Variants in ERBB4 observed in about 807,000 individuals in gnomAD.
ERBB4 encodes erb-b2 receptor tyrosine kinase 4, also known as receptor tyrosine-protein kinase erbB-4.
Under a neutral mutation model 158.0 loss-of-function variants are expected in ERBB4, and 42 were observed. That is an observed-to-expected ratio of 0.27 (90% confidence interval 0.21 to 0.34). The LOEUF (loss-of-function observed/expected upper bound fraction) is 0.34. ERBB4 is among the 10% of genes least tolerant of loss of function. ERBB4 has a pLI of 1.00. For synonymous variants in ERBB4, 583 were observed against 558.7 expected, an observed-to-expected ratio of 1.04 and a Z score of -0.61; for missense variants, 1,333 against 1,624.1, an observed-to-expected ratio of 0.82 and a Z score of 3.08.
chr2:212,399,545 CATATATATATATATATATATATATATAT>C (rs869111881), intron 1 of ERBB4, among the ~76,000 whole-genome samples: 7 of 38,098 alleles, frequency 1.8e-4, no homozygotes, highest in South Asian at 9.8e-4. Flanking sequence ...TTTATATATA[CATATATATATATATATATATATATATAT>C]ATATATATAT....
At chr2:211,706,129 C>A (rs890081986) in intron 9 of ERBB4, among the ~76,000 whole-genome samples, 1 of 151,824 alleles carries the variant, frequency 6.6e-6, no homozygotes, top group African/African-American at 2.4e-5. Context: ...AGGTAGAGAC[C>A]TCATATTAAT....
At chr2:212,141,071 G>A (rs1335195309) in intron 1 of ERBB4, among the ~76,000 whole-genome samples, 3 of 151,214 alleles carry the variant, frequency 2.0e-5, no homozygotes, top group African/African-American at 7.3e-5. Context: ...TATAACTAAC[G>A]TCTATAACTA....
chr2:212,371,276 G>C (rs2090075916), intron 1 of ERBB4, among the ~76,000 whole-genome samples: 3 of 152,072 alleles, frequency 2.0e-5, no homozygotes, highest in African/African-American at 7.2e-5. Context: ...AAACTCCATT[G>C]TTACATTATA....
intron 1 of ERBB4, among the ~76,000 whole-genome samples, chr2:212,535,210 AT>A (rs1373488572): frequency 2.6e-5 from 4 of 152,116 alleles, no homozygotes; most frequent in Non-Finnish European, 5.9e-5. Flanking sequence ...GAAGAAAAAA[AT>A]AACACCTTCT....
In ERBB4 at chr2:211,985,906, C is replaced by G. The variant is rs191442271; in HGVS notation, c.235-38290G>C. 5.3e-5 allele frequency among the ~76,000 whole-genome samples: 8 copies of G among 152,238 alleles called. No homozygotes were observed. The East Asian group carries it at 1.5e-3, about 29-fold the overall frequency. ...AATCTTGTCTGTACTGGTTTGAATA[C>G]TGTTCCCAAAATTTCATGTCCACCC... is the stretch of plus-strand genomic sequence containing the variant. On this transcript the variant is annotated intron_variant, in intron 2 of 27. Coordinates refer to ENST00000342788, the MANE Select transcript of ERBB4 (RefSeq NM_005235.3).
chr2:211,506,612 A>G (rs945026923), intron 20 of ERBB4, among the ~76,000 whole-genome samples: 10 of 152,138 alleles, frequency 6.6e-5, no homozygotes, highest in Admixed American at 2.6e-4. Context: ...ATAACTCAAT[A>G]TTACAAAAGT....
intron 1 of ERBB4, among the ~76,000 whole-genome samples, chr2:212,398,095 C>A (rs1007107176): frequency 9.4e-6 from 1 of 106,050 alleles, no homozygotes; most frequent in African/African-American, 4.8e-5. Context: ...TAACCTGATA[C>A]ATATATATGT....
rs147319251 is a variant in ERBB4, at chr2:211,463,218, C to T, written c.2488-32118G>A. On this transcript the variant is annotated intron_variant, in intron 20 of 27. Transcript: ENST00000342788. ...TGTAATCTCTGTAATCAGTGATTCT[C>T]CTTCAATTACAAAAAGCGGAGCTAT... 3.2e-3 allele frequency among the ~76,000 whole-genome samples: 490 copies of T among 152,220 alleles called. 1 individual carries two copies. The highest frequency in any genetic ancestry group is 4.1e-3 in the Non-Finnish European group (280 of 68,012).
chr2:212,223,822 A>T (rs1414874327), intron 1 of ERBB4, among the ~76,000 whole-genome samples: 1 of 151,802 alleles, frequency 6.6e-6, no homozygotes. Context: ...CTGAACTAGA[A>T]TATTTTTCAT....
intron 1 of ERBB4, among the ~76,000 whole-genome samples, chr2:212,175,154 T>C (rs1422882610): frequency 6.6e-6 from 1 of 152,070 alleles, no homozygotes; most frequent in East Asian, 1.9e-4. Flanking sequence ...AGAATTACTA[T>C]TTTCTTACTT....
intron 16 of ERBB4, among the ~76,000 whole-genome samples, chr2:211,631,276 G>A (rs2070118890): frequency 6.6e-6 from 1 of 152,090 alleles, no homozygotes; most frequent in South Asian, 2.1e-4. Context: ...CACCTCTGGA[G>A]TATAAGGGTA....
chr2:212,517,679 T>C (rs1343723802), intron 1 of ERBB4, among the ~76,000 whole-genome samples: 2 of 152,254 alleles, frequency 1.3e-5, no homozygotes, highest in East Asian at 1.9e-4. Flanking sequence ...TCTGCATGGA[T>C]GCAAGGTGAA....
chr2:211,741,450 T>TACACACACAC (rs1553622676), intron 5 of ERBB4, among the ~76,000 whole-genome samples: 1 of 62,790 alleles, frequency 1.6e-5, no homozygotes, highest in Non-Finnish European at 3.2e-5. Flanking sequence ...TATATGTAGT[T>TACACACACAC]ATACACACAC....
intron 1 of ERBB4, among the ~76,000 whole-genome samples, chr2:212,433,039 C>A: frequency 6.6e-6 from 1 of 152,068 alleles, no homozygotes; most frequent in South Asian, 2.1e-4. Flanking sequence ...CTTCATATGT[C>A]CCAGAGCTTT....
chr2:211,580,825 TATATATATAGATTA>T lies in ERBB4; in HGVS notation c.2302-18751_2302-18738del, dbSNP rs2068060499. ...ATATATATATATAATATATATATAT[TATATATATAGATTA>T]TATATTATATATATAGTATGCATAT... On this transcript the variant is annotated intron_variant, in intron 19 of 27. Coordinates refer to ENST00000342788, the MANE Select transcript of ERBB4 (RefSeq NM_005235.3). Among the ~76,000 whole-genome samples the T allele has an allele frequency of 6.4e-4, 8 of 12,528 alleles. No individual in the cohort carries two copies. In the Admixed American group the frequency reaches 0.017, roughly 27 times the overall value. 8.2% of individuals were successfully genotyped at this position (12,528 alleles called of 152,430 possible).
At chr2:211,938,595 G>A (rs1441732673) in intron 3 of ERBB4, among the ~76,000 whole-genome samples, 1 of 152,118 alleles carries the variant, frequency 6.6e-6, no homozygotes, top group Non-Finnish European at 1.5e-5. Flanking sequence ...CTGTTGTGTG[G>A]CACATATTGA....
intron 25 of ERBB4, among the ~76,000 whole-genome samples, chr2:211,392,566 A>ATG (rs1559122450): frequency 8.4e-5 from 12 of 142,588 alleles, no homozygotes; most frequent in African/African-American, 3.3e-4. Context: ...CTCCACACAC[A>ATG]CACACACACA....
At chr2:211,897,067 G>C (rs1263701713) in intron 3 of ERBB4, among the ~76,000 whole-genome samples, 1 of 149,730 alleles carries the variant, frequency 6.7e-6, no homozygotes, top group East Asian at 1.9e-4. Context: ...TATTATATAA[G>C]TATAGAATAT....
intron 1 of ERBB4, among the ~76,000 whole-genome samples, chr2:212,282,959 C>T (rs1030199300): frequency 1.3e-5 from 2 of 151,674 alleles, no homozygotes; most frequent in East Asian, 1.9e-4. Context: ...TGCCAAATAC[C>T]ACCTATATTT....
Sources: allele counts gnomAD v4.1 joint callset (sites outside exome capture counted in the v4.1 genomes callset), GRCh38; gene constraint gnomAD v4.1.1; transcripts MANE v1.5; gene names NCBI Gene and HGNC (gene_info 2026-07-23, HGNC 2026-07-21).